Variants in TRIM36 observed in about 807,000 individuals in gnomAD.
TRIM36 encodes the protein E3 ubiquitin-protein ligase TRIM36.
Under a neutral mutation model 72.4 loss-of-function variants are expected in TRIM36, and 42 were observed. That is an observed-to-expected ratio of 0.58 (90% CI 0.45 to 0.75). The LOEUF is 0.75. Ranked by LOEUF, TRIM36 falls within the 30% of genes least tolerant of loss-of-function variation. The probability of loss-of-function intolerance (pLI) is 0.00; values close to 1 mark genes in which losing one functional copy is unlikely to be tolerated. For missense variants in TRIM36, 913 were observed against 857.1 expected (o/e 1.07, Z -0.81); for synonymous variants, 315 against 282.8 (o/e 1.11, Z -1.14).
intron 2 of TRIM36, among the ~76,000 whole-genome samples, chr5:115,151,265 A>G (rs900687440): frequency 2.6e-5 from 4 of 152,118 alleles, no homozygotes; most frequent in African/African-American, 9.7e-5. Context: ...GCTTTCCTTC[A>G]CTTCGCTGAC....
At chr5:115,148,626 G>C (rs1753723373) in intron 2 of TRIM36, 1 of 152,168 alleles carries the variant, frequency 6.6e-6, no homozygotes, top group East Asian at 1.9e-4. Context: ...GGCCAGGCTG[G>C]TCTTGAACTC....
At chr5:115,161,698 A>G (rs568201892) in intron 2 of TRIM36, among the ~76,000 whole-genome samples, 37 of 152,298 alleles carry the variant, frequency 2.4e-4, no homozygotes, top group African/African-American at 7.9e-4. Flanking sequence ...TTCAGTCTCC[A>G]CAGTCCCAAA....
At chr5:115,147,768 C>T (rs917511379) in intron 2 of TRIM36, among the ~76,000 whole-genome samples, 3 of 152,110 alleles carry the variant, frequency 2.0e-5, no homozygotes, top group African/African-American at 4.8e-5. Flanking sequence ...TATCCAAAGA[C>T]ATTTAAAAGA....
At chr5:115,146,956 T>C (rs1244258032) in intron 3 of TRIM36, 113 bp downstream of exon 3, 16 of 1,147,764 alleles carry the variant, frequency 1.4e-5, no homozygotes, top group South Asian at 5.1e-5. Flanking sequence ...TTTAAAGTTA[T>C]TTCCTTTCTG....
chr5:115,127,718 T>A (rs1458887350), intron 9 of TRIM36, among the ~76,000 whole-genome samples: 1 of 152,202 alleles, frequency 6.6e-6, no homozygotes, highest in African/African-American at 2.4e-5. Flanking sequence ...TTATGTACAT[T>A]ATGTAATATT....
At chr5:115,171,164 A>C, upstream of TRIM36, 1 of 1,614,182 alleles carries the variant, frequency 6.2e-7, no homozygotes, top group South Asian at 1.1e-5. Flanking sequence ...CGCTGTGGCA[A>C]GTTCCGTCGT....
chr5:115,145,345 T>C (rs549680434), intron 3 of TRIM36, among the ~76,000 whole-genome samples: 4 of 152,294 alleles, frequency 2.6e-5, no homozygotes, highest in Admixed American at 1.3e-4. Context: ...ACTATTATCA[T>C]AGAGGATTAA....
intron 9 of TRIM36, among the ~76,000 whole-genome samples, chr5:115,129,718 G>A (rs1442400421): frequency 6.6e-6 from 1 of 152,156 alleles, no homozygotes; most frequent in African/African-American, 2.4e-5. Flanking sequence ...CATCATGGAT[G>A]TATGAAGCAA....
upstream of TRIM36, among the ~76,000 whole-genome samples, chr5:115,173,102 G>A (rs749099355): frequency 9.9e-5 from 15 of 152,280 alleles, no homozygotes; most frequent in South Asian, 2.1e-4. Context: ...GGGCTGCCGT[G>A]CTTTGTGTCA....
chr5:115,130,850 T>C lies in TRIM36; in HGVS notation c.1538A>G (p.Asn513Ser). ...FLFDEKCGYNNEHLLLNLKRD... is the reference protein window; with the variant it reads ...FLFDEKCGYNSEHLLLNLKRD... ...CTTCAAGTTCAGCAGGAGGTGTTCATTATTATAGCCACATTTTTCATCAAA... is the reference window on the plus strand; with the variant it reads ...CTTCAAGTTCAGCAGGAGGTGTTCACTATTATAGCCACATTTTTCATCAAA... The change falls in exon 9 of 10, where the codon AAT (asparagine) becomes AGT (serine). Residue 513 changes from asparagine to serine, a missense_variant. By Grantham distance (46) the Asn-to-Ser change is conservative. Transcript: ENST00000513154. The C allele has an allele frequency of 6.2e-7, 1 of 1,613,328 alleles. No individual in the cohort carries two copies. The highest frequency in any genetic ancestry group is 8.5e-7 in the Non-Finnish European group (1 of 1,179,594).
chr5:115,136,954 A>C (rs902098929), intron 7 of TRIM36, 46 bp downstream of exon 7: 2 of 1,518,910 alleles, frequency 1.3e-6, no homozygotes, highest in South Asian at 2.7e-5. Context: ...CACACAATAC[A>C]AATTCAGACA....
chr5:115,169,578 G>A (rs906221662), intron 1 of TRIM36, 30 bp downstream of exon 1: 3 of 1,504,652 alleles, frequency 2.0e-6, no homozygotes, highest in Non-Finnish European at 2.7e-6. Context: ...CCGCCCTCGA[G>A]GTGGGGGCGG....
intron 2 of TRIM36, chr5:115,148,639 G>C (rs1753723718): frequency 6.6e-6 from 1 of 152,090 alleles, no homozygotes; most frequent in African/African-American, 2.4e-5. Context: ...TTGAACTCCT[G>C]ACCTCGTGAT....
intron 7 of TRIM36, among the ~76,000 whole-genome samples, chr5:115,134,856 A>G (rs1752883342): frequency 1.3e-5 from 2 of 152,210 alleles, no homozygotes; most frequent in Non-Finnish European, 2.9e-5. Flanking sequence ...TGAATATTTT[A>G]TCATTTCTTT....
At chr5:115,146,983 A>G (rs1384969242) in intron 3 of TRIM36, 86 bp downstream of exon 3, 17 of 1,286,492 alleles carry the variant, frequency 1.3e-5, no homozygotes, top group Non-Finnish European at 1.7e-5. Flanking sequence ...TCTAGACTTA[A>G]TAATTTATTT....
intron 2 of TRIM36, chr5:115,153,940 A>T (rs1236336783): frequency 6.6e-6 from 1 of 152,226 alleles, no homozygotes; most frequent in Non-Finnish European, 1.5e-5. Context: ...CCACAAAATG[A>T]GCCTCAATAA....
intron 1 of TRIM36, among the ~76,000 whole-genome samples, chr5:115,168,555 T>A (rs1754912511): frequency 6.6e-6 from 1 of 152,234 alleles, no homozygotes; most frequent in Non-Finnish European, 1.5e-5. Context: ...ACCAAGTGCT[T>A]CAATAATCTC....
chr5:115,172,557 G>C (rs996036062), upstream of TRIM36, among the ~76,000 whole-genome samples: 1 of 151,966 alleles, frequency 6.6e-6, no homozygotes, highest in Non-Finnish European at 1.5e-5. Context: ...CCAACATGGT[G>C]AAACCCCCCC....
In TRIM36 at chr5:115,135,707, C is replaced by T. The variant is rs146355480; in HGVS notation, c.1210+1293G>A. On this transcript the variant is annotated intron_variant, in intron 7 of 9. Coordinates refer to ENST00000513154, the MANE Select transcript of TRIM36 (RefSeq NM_001300759.2). ...AAGCAAATATCTATTTGTATATATA[C>T]TATTCAAGCATACATTTTGGAAACA... Among the ~76,000 whole-genome samples, 371 of 152,264 alleles carry T rather than the reference C, an allele frequency of 2.4e-3. 1 individual carries two copies. The highest frequency in any genetic ancestry group is 8.4e-3 in the African/African-American group (350 of 41,552).
Sources: gnomAD v4.1 joint callset for allele counts (sites outside exome capture counted in the v4.1 genomes callset) on GRCh38, gnomAD v4.1.1 for gene constraint, MANE v1.5 for transcripts, NCBI Gene and HGNC (gene_info 2026-07-23, HGNC 2026-07-21) for gene names.